Variants in GREB1L observed in about 807,000 individuals in gnomAD.
GREB1L encodes the protein GREB1 like retinoic acid receptor coactivator, also known as GREB1-like protein.
Under a neutral mutation model 200.8 loss-of-function variants are expected in GREB1L, and 17 were observed. The ratio of observed to expected loss-of-function variants is 0.08; its 90% CI spans 0.06 to 0.13. The LOEUF is 0.13. Among genes scored for constraint, GREB1L ranks in the 10% least tolerant of loss-of-function variants. The pLI, the probability that GREB1L is intolerant of heterozygous loss-of-function variation, is 1.00. For synonymous variants in GREB1L, 789 were observed against 893.0 expected (o/e 0.88, Z 2.08); for missense variants, 1,657 against 2,367.7 (o/e 0.70, Z 6.23).
At chr18:21,296,466 C>T (rs928688233) in intron 1 of GREB1L, among the ~76,000 whole-genome samples, 5 of 152,128 alleles carry the variant, frequency 3.3e-5, no homozygotes, top group African/African-American at 4.8e-5. Context: ...TGAGAAACTA[C>T]TTATTGGGTA....
intron 1 of GREB1L, among the ~76,000 whole-genome samples, chr18:21,312,537 T>A (rs983079816): frequency 3.5e-5 from 5 of 144,292 alleles, no homozygotes; most frequent in African/African-American, 1.4e-4. Flanking sequence ...TTCTTTATTT[T>A]ATTTATTTAT....
chr18:21,480,620 A>G (rs1395563571), intron 17 of GREB1L, among the ~76,000 whole-genome samples: 1 of 152,226 alleles, frequency 6.6e-6, no homozygotes, highest in African/African-American at 2.4e-5. Context: ...ATTGAAGCCT[A>G]TATCCCAGGA....
chr18:21,285,929 T>C (rs886259942), intron 1 of GREB1L, among the ~76,000 whole-genome samples: 5 of 152,204 alleles, frequency 3.3e-5, no homozygotes, highest in African/African-American at 1.2e-4. Flanking sequence ...CCCTTTTTAA[T>C]AGACAGCATT....
intron 31 of GREB1L, 149 bp from the exon 32 acceptor site, chr18:21,520,539 C>T: frequency 1.2e-6 from 1 of 823,226 alleles, no homozygotes. Context: ...CTTAACTAAC[C>T]AAGCCATTTA....
In GREB1L at chr18:21,496,592, C is replaced by T; in HGVS notation, c.3285C>T (p.Ser1095=). 2.6e-6 allele frequency: 4 copies of T among 1,551,668 alleles called. No individual in the cohort carries two copies. The highest frequency in any genetic ancestry group is 1.2e-5 in the South Asian group (1 of 84,056). The part of the protein sequence containing the change: ...IRGPTVALDL[S]GKEQERAAVS... ...GACCCACTGTTGCCCTGGACCTCAG[C>T]GGGAAGGAGCAGGAGAGAGCTGCTG... The change falls in exon 21 of 33, where the codon AGC becomes AGT. Residue 1095 remains serine (S), a synonymous_variant. Transcript: ENST00000424526.
At chr18:21,364,418 C>T in intron 1 of GREB1L, among the ~76,000 whole-genome samples, 1 of 149,634 alleles carries the variant, frequency 6.7e-6, no homozygotes, top group African/African-American at 2.5e-5. Context: ...CTGTGAAAGA[C>T]AAGGAACAGG....
chr18:21,414,386 G>A (rs2031412010), intron 7 of GREB1L, among the ~76,000 whole-genome samples: 2 of 152,036 alleles, frequency 1.3e-5, no homozygotes, highest in South Asian at 4.1e-4. Context: ...CAGCATGTTT[G>A]TTTCTTTTTC....
At chr18:21,332,439 G>C (rs542274693) in intron 1 of GREB1L, among the ~76,000 whole-genome samples, 1 of 151,320 alleles carries the variant, frequency 6.6e-6, no homozygotes, top group African/African-American at 2.4e-5. Context: ...AAACAAACCA[G>C]TTCCGTTTAT....
At chr18:21,369,860 A>T (rs962326055) in intron 2 of GREB1L, among the ~76,000 whole-genome samples, 5 of 151,716 alleles carry the variant, frequency 3.3e-5, no homozygotes, top group African/African-American at 1.2e-4. Flanking sequence ...GAGGCAGGAG[A>T]ATCGCTTGAA....
intron 1 of GREB1L, among the ~76,000 whole-genome samples, chr18:21,287,369 A>G (rs755198868): frequency 2.6e-5 from 4 of 152,138 alleles, no homozygotes; most frequent in African/African-American, 4.8e-5. Flanking sequence ...ATGGAGTGCA[A>G]TGTTCATTGC....
chr18:21,380,016 T>C (rs2040238580), intron 2 of GREB1L, among the ~76,000 whole-genome samples: 1 of 152,220 alleles, frequency 6.6e-6, no homozygotes. Context: ...TATAAACTTT[T>C]TGTAAAAAAG....
At chr18:21,430,298 G>T (rs1598822204) in intron 7 of GREB1L, among the ~76,000 whole-genome samples, 1 of 151,862 alleles carries the variant, frequency 6.6e-6, no homozygotes, top group East Asian at 1.9e-4. Context: ...AAGGTTGCCA[G>T]TGATGCCCCG....
chr18:21,242,880 A>G (rs866400568), intron 1 of GREB1L, among the ~76,000 whole-genome samples: 5 of 152,000 alleles, frequency 3.3e-5, no homozygotes, highest in South Asian at 2.1e-4. Flanking sequence ...GGCGACAGGT[A>G]GGGCGCCGCG....
chr18:21,468,932 C>T (rs1012643899), intron 15 of GREB1L: 7 of 372,142 alleles, frequency 1.9e-5, no homozygotes, highest in African/African-American at 1.5e-4. Flanking sequence ...ACTGTGTCCT[C>T]ATTGCATCAT....
intron 1 of GREB1L, among the ~76,000 whole-genome samples, chr18:21,253,828 C>CTT (rs34861643): frequency 0.14 from 16,181 of 115,682 alleles, 2,856 homozygotes; most frequent in African/African-American, 0.41. Flanking sequence ...GACTTCCAGG[C>CTT]TTTTTTTTTT....
chr18:21,517,678 CTTTGCCA>C (rs1344945494), intron 30 of GREB1L, among the ~76,000 whole-genome samples: 1 of 152,142 alleles, frequency 6.6e-6, no homozygotes, highest in Non-Finnish European at 1.5e-5. Context: ...TTAGAAACCT[CTTTGCCA>C]TTTTTTTGGT....
chr18:21,301,405 G>A (rs1490221863), intron 1 of GREB1L, among the ~76,000 whole-genome samples: 1 of 152,142 alleles, frequency 6.6e-6, no homozygotes, highest in Non-Finnish European at 1.5e-5. Flanking sequence ...TTCTCTGAGA[G>A]GCTTTCATGG....
intron 1 of GREB1L, among the ~76,000 whole-genome samples, chr18:21,329,053 T>C (rs2039066906): frequency 6.6e-6 from 1 of 152,132 alleles, no homozygotes; most frequent in African/African-American, 2.4e-5. Flanking sequence ...CCAGGCACAG[T>C]GGCTCACACC....
At chr18:21,462,284 A>C (rs1372982343) in intron 15 of GREB1L, among the ~76,000 whole-genome samples, 1 of 152,246 alleles carries the variant, frequency 6.6e-6, no homozygotes, top group Admixed American at 6.5e-5. Flanking sequence ...TGATAAATTA[A>C]GTTAGTAAGG....
Sources: allele counts gnomAD v4.1 joint callset (sites outside exome capture counted in the v4.1 genomes callset), GRCh38; gene constraint gnomAD v4.1.1; transcripts MANE v1.5; gene names NCBI Gene and HGNC (gene_info 2026-07-23, HGNC 2026-07-21).